Variants in CALN1 observed in about 807,000 individuals in gnomAD.
CALN1 encodes calneuron 1, also known as calcium-binding protein 8.
A neutral mutation model predicts 30.6 loss-of-function variants in CALN1; 17 were observed. The ratio of observed to expected loss-of-function variants is 0.56; its 90% CI spans 0.38 to 0.83. CALN1 has a LOEUF of 0.83. CALN1 is among the 40% of genes least tolerant of loss of function. The pLI is 0.00. For missense variants in CALN1, 291 were observed against 354.9 expected, an observed-to-expected ratio of 0.82 and a Z score of 1.45; for synonymous variants, 156 against 131.4, an observed-to-expected ratio of 1.19 and a Z score of -1.28.
intron 5 of CALN1, among the ~76,000 whole-genome samples, chr7:71,911,149 T>G (rs2117000983): frequency 6.6e-6 from 1 of 152,324 alleles, no homozygotes; most frequent in Admixed American, 6.5e-5. Flanking sequence ...TGTGCCATTT[T>G]GGGATTGCTG....
Position 72,378,535 on chromosome 7 carries a change from CTAGT to C in CALN1, c.119+24712_119+24715del, listed in dbSNP as rs549572586. On this transcript the variant is annotated intron_variant, in intron 2 of 6. Transcript: ENST00000395275. ...CTGCCACTTTCACTGATGTCACTCT[CTAGT>C]TAATCACTTCAAGTAGAATGTAAAA... Among the ~76,000 whole-genome samples the C allele has an allele frequency of 1.6e-4, 24 of 152,304 alleles. No homozygotes were observed. In the East Asian group the frequency reaches 2.1e-3, roughly 13 times the overall value.
intron 3 of CALN1, among the ~76,000 whole-genome samples, chr7:72,156,849 C>T (rs1231163781): frequency 6.6e-6 from 1 of 152,186 alleles, no homozygotes; most frequent in African/African-American, 2.4e-5. Context: ...ACAACCCCAC[C>T]TGCAAAAACC....
At chr7:71,895,652 T>C (rs1793494586) in intron 5 of CALN1, among the ~76,000 whole-genome samples, 1 of 152,162 alleles carries the variant, frequency 6.6e-6, no homozygotes, top group African/African-American at 2.4e-5. Flanking sequence ...AAATTCTCTG[T>C]AAGAGTTATG....
chr7:72,185,572 G>A (rs1790128064), intron 3 of CALN1, among the ~76,000 whole-genome samples: 1 of 152,152 alleles, frequency 6.6e-6, no homozygotes, highest in African/African-American at 2.4e-5. Flanking sequence ...TTGCAGGTGT[G>A]ATCAAGTTAA....
rs377051718 is a variant in CALN1, at chr7:72,023,353, G to T, written c.501+304C>A. ...GGAACTGGGGTCAAACACAGAACCG[G>T]TTCAGATAATATCAGTGTGCCCCTT... On this transcript the variant is annotated intron_variant, in intron 5 of 6. Transcript: ENST00000395275. Among the ~76,000 whole-genome samples, 23 of 152,222 alleles carry T rather than the reference G, an allele frequency of 1.5e-4. No individual in the cohort carries two copies. In the South Asian group the frequency reaches 4.8e-3, roughly 32 times the overall value.
intron 5 of CALN1, among the ~76,000 whole-genome samples, chr7:71,917,688 C>A (rs1028650130): frequency 2.6e-5 from 4 of 152,074 alleles, no homozygotes; most frequent in African/African-American, 4.8e-5. Flanking sequence ...GCTTAAAAAA[C>A]CATCAGATCA....
chr7:72,091,445 T>C (rs1321310018), intron 4 of CALN1, among the ~76,000 whole-genome samples: 2 of 152,248 alleles, frequency 1.3e-5, no homozygotes, highest in East Asian at 3.8e-4. Context: ...AGGCGATGGA[T>C]ACCTCAATCA....
intron 2 of CALN1, among the ~76,000 whole-genome samples, chr7:72,379,679 G>C (rs1176256053): frequency 1.3e-5 from 2 of 152,348 alleles, no homozygotes; most frequent in East Asian, 3.9e-4. Context: ...TCAATGAGGA[G>C]TTTTCTTCAC....
At chr7:72,143,310 G>A (rs13222079) in intron 3 of CALN1, among the ~76,000 whole-genome samples, 35,161 of 152,096 alleles carry the variant, frequency 0.23, 5,041 homozygotes, top group East Asian at 0.67. Context: ...ACCATGGCAC[G>A]AGAACTACGT....
intron 3 of CALN1, among the ~76,000 whole-genome samples, chr7:72,210,202 C>A (rs1792293718): frequency 6.6e-6 from 1 of 152,078 alleles, no homozygotes; most frequent in Non-Finnish European, 1.5e-5. Flanking sequence ...TGGGGCTTCT[C>A]CAGAACGGCC....
At chr7:72,279,792 AACAAG>A (rs2129554134) in intron 2 of CALN1, among the ~76,000 whole-genome samples, 1 of 152,368 alleles carries the variant, frequency 6.6e-6, no homozygotes, top group East Asian at 1.9e-4. Flanking sequence ...CGTGACTTTG[AACAAG>A]ACGCCGAATG....
intron 4 of CALN1, among the ~76,000 whole-genome samples, chr7:72,061,360 G>A (rs1041409301): frequency 7.2e-5 from 11 of 152,082 alleles, no homozygotes; most frequent in Non-Finnish European, 1.5e-4. Context: ...TTAACACTGT[G>A]TTCTTATTTA....
chr7:72,489,947 C>T, the CALN1 span, among the ~76,000 whole-genome samples: 1 of 152,242 alleles, frequency 6.6e-6, no homozygotes, highest in Non-Finnish European at 1.5e-5. Flanking sequence ...GAAGCCAAGT[C>T]TCCTGGCTCC....
At chr7:71,999,007 T>G (rs1431491574) in intron 5 of CALN1, among the ~76,000 whole-genome samples, 3 of 152,126 alleles carry the variant, frequency 2.0e-5, no homozygotes, top group African/African-American at 7.2e-5. Flanking sequence ...ATAATTAACT[T>G]AAATGTAAAT....
intron 2 of CALN1, among the ~76,000 whole-genome samples, chr7:72,349,301 T>TGC (rs919681159): frequency 6.6e-5 from 10 of 151,360 alleles, no homozygotes; most frequent in Non-Finnish European, 1.2e-4. Context: ...TGTGTGTGTG[T>TGC]GTGTGTGTGT....
rs578025222 is a variant in CALN1 at position 71,822,961 on chromosome 7, C to T, written c.502-12469G>A. On this transcript the variant is annotated intron_variant, in intron 5 of 6. Transcript: ENST00000395275. ...TTAATAACTGTCCCTAAACTAAGTGCCTGATTGTCATCCAAATATCTGCTA... is the reference window on the plus strand; with the variant it reads ...TTAATAACTGTCCCTAAACTAAGTGTCTGATTGTCATCCAAATATCTGCTA... Among the ~76,000 whole-genome samples the T allele has an allele frequency of 2.6e-5, 4 of 152,276 alleles. No individual in the cohort carries two copies. The South Asian group carries it at 8.3e-4, about 32-fold the overall frequency.
intron 4 of CALN1, among the ~76,000 whole-genome samples, chr7:72,025,951 G>A (rs1440617182): frequency 2.6e-5 from 4 of 152,152 alleles, no homozygotes; most frequent in Admixed American, 6.5e-5. Flanking sequence ...GGATTAGGGA[G>A]GCGTGGCAAG....
At chr7:72,082,906 G>T (rs2129538958) in intron 4 of CALN1, among the ~76,000 whole-genome samples, 1 of 152,170 alleles carries the variant, frequency 6.6e-6, no homozygotes, top group South Asian at 2.1e-4. Flanking sequence ...ATTATGAGAA[G>T]ATGCAAGAAA....
chr7:72,424,964 T>C (rs372193123), intron 1 of CALN1, among the ~76,000 whole-genome samples: 2 of 152,232 alleles, frequency 1.3e-5, no homozygotes, highest in African/African-American at 4.8e-5. Context: ...GGCCCATCTC[T>C]AAGGTTTCTC....
Sources: allele counts gnomAD v4.1 joint callset (sites outside exome capture counted in the v4.1 genomes callset), GRCh38; gene constraint gnomAD v4.1.1; transcripts MANE v1.5; gene names NCBI Gene and HGNC (gene_info 2026-07-23, HGNC 2026-07-21).